The following PHACTR2 variants were observed in gnomAD, a reference collection of about 807,000 sequenced individuals.
The protein encoded by PHACTR2 is phosphatase and actin regulator 2.
Under a neutral mutation model 76.0 loss-of-function variants are expected in PHACTR2, and 30 were observed. The ratio of observed to expected loss-of-function variants is 0.39; its 90% CI spans 0.30 to 0.54. The LOEUF is 0.54. Ranked by LOEUF, PHACTR2 falls within the 20% of genes least tolerant of loss-of-function variation. PHACTR2 has a pLI of 0.61. For missense variants in PHACTR2, 696 were observed against 781.1 expected (o/e 0.89, Z 1.30); for synonymous variants, 292 against 292.5 (o/e 1.00, Z 0.02).
rs1393165037 is a variant in PHACTR2 at position 143,825,475 on chromosome 6, A to G, written c.*1786A>G. The G allele has an allele frequency of 2.0e-5, 3 of 152,196 alleles. No individual in the cohort carries two copies. Among genetic ancestry groups the G allele is most frequent in the Non-Finnish European group, 2.9e-5 (2 of 68,026 alleles). The allele number at this position is 152,196 out of a possible 1,614,324, so 9.4% of individuals were successfully genotyped here. A position where few individuals can be genotyped will look rare whatever the true frequency, so the allele number is the denominator to read the frequency against. ...CTCTGTGCATTAATAAAACACACCTAGAGTCTGTTGTCATTTCACTAATAG... is the reference window on the plus strand; with the variant it reads ...CTCTGTGCATTAATAAAACACACCTGGAGTCTGTTGTCATTTCACTAATAG... On this transcript the variant is annotated 3_prime_UTR_variant, in exon 13 of 13. Transcript: ENST00000440869. The surrounding 1 kb of genome is among the most constrained non-coding windows in gnomAD (Gnocchi z 4.1).
In PHACTR2 at chr6:143,623,926, AC is replaced by A. The variant is rs1454375119; in HGVS notation, c.13+15609del. Among the ~76,000 whole-genome samples, 1 of 152,114 alleles carries A rather than the reference AC, an allele frequency of 6.6e-6. No homozygotes were observed. Among genetic ancestry groups the A allele is most frequent in the African/African-American group, 2.4e-5 (1 of 41,424 alleles). On this transcript the variant is annotated intron_variant, in intron 1 of 11. Transcript: ENST00000305766. This position sits in a 1 kb window ranked among gnomAD's most constrained non-coding sequence, Gnocchi z 5.9. ...ACAATATTCTGGGTACACTCAGAGCACCCCCATAATAAGTTGCTAATGACAT... is the reference window on the plus strand; with the variant it reads ...ACAATATTCTGGGTACACTCAGAGCACCCCATAATAAGTTGCTAATGACAT...
chr6:143,696,360 CA>C lies in PHACTR2; in HGVS notation c.47-15655del, dbSNP rs1777769601. On this transcript the variant is annotated intron_variant, in intron 1 of 12. Transcript: ENST00000440869. This position sits in a 1 kb window ranked among gnomAD's most constrained non-coding sequence, Gnocchi z 4.1. ...GTTTTCCTGGAGACCTCTAGAAGAC[CA>C]GGAAAATATTTTTCCAAGAAATTTT... Among the ~76,000 whole-genome samples, 2 of 152,182 alleles carry C rather than the reference CA, an allele frequency of 1.3e-5. No homozygotes were observed. Among genetic ancestry groups the C allele is most frequent in the South Asian group, 4.1e-4 (2 of 4,822 alleles).
At chr6:143,716,781 A>C (rs1163020313) in intron 2 of PHACTR2, among the ~76,000 whole-genome samples, 3 of 152,216 alleles carry the variant, frequency 2.0e-5, no homozygotes, top group African/African-American at 7.2e-5. Flanking sequence ...CAAGATCCTA[A>C]GCCTGTGGTG....
rs1776648694 is a variant in PHACTR2 at position 143,830,648 on chromosome 6, G to T, written c.*6959G>T. On this transcript the variant is annotated 3_prime_UTR_variant, in exon 13 of 13. Transcript: ENST00000440869. ...GTATTCCCTTTTTTAATTCCGTACT[G>T]GTATTTGTGTTATTTAAAAAGCAAA... 6.6e-6 allele frequency: 1 copy of T among 152,012 alleles called. No individual in the cohort carries two copies. The highest frequency in any genetic ancestry group is 2.4e-5 in the African/African-American group (1 of 41,392). The allele number at this position is 152,012 out of a possible 1,614,324, so 9.4% of individuals were successfully genotyped here. A position where few individuals can be genotyped will look rare whatever the true frequency, so the allele number is the denominator to read the frequency against.
chr6:143,575,883 TA>T (rs1361265508), intron 1 of PHACTR2, among the ~76,000 whole-genome samples: 1 of 92,796 alleles, frequency 1.1e-5, no homozygotes, highest in Admixed American at 9.3e-5. Context: ...GTTTTCAATT[TA>T]GAAAAAAAAA....
In PHACTR2 at chr6:143,774,925, A is replaced by G. The variant is rs956372782; in HGVS notation, c.1589+710A>G. 1.3e-5 allele frequency among the ~76,000 whole-genome samples: 2 copies of G among 152,212 alleles called. No homozygotes were observed. Among genetic ancestry groups the G allele is most frequent in the Non-Finnish European group, 2.9e-5 (2 of 68,046 alleles). ...TAATAGAAGTGAGCATTCATGCCAG[A>G]GGTCTTATTTTTGATGATCAGTTTA... On this transcript the variant is annotated intron_variant, in intron 8 of 12. Coordinates refer to ENST00000440869, the MANE Select transcript of PHACTR2 (RefSeq NM_001100164.2). The surrounding 1 kb of genome is among the most constrained non-coding windows in gnomAD (Gnocchi z 5.4).
At chr6:143,551,603 C>T (rs563738374) in intron 1 of PHACTR2, among the ~76,000 whole-genome samples, 1 of 152,210 alleles carries the variant, frequency 6.6e-6, no homozygotes, top group Non-Finnish European at 1.5e-5. Context: ...GAAGGGAGAC[C>T]TTGGGAACTA....
At chr6:143,691,962 A>T (rs1777653594) in intron 1 of PHACTR2, among the ~76,000 whole-genome samples, 1 of 152,122 alleles carries the variant, frequency 6.6e-6, no homozygotes, top group African/African-American at 2.4e-5. Context: ...CTCTGTTTGT[A>T]CTTCAGGCAT....
chr6:143,675,555 GC>G (rs754330169), upstream of PHACTR2, among the ~76,000 whole-genome samples: 4 of 152,110 alleles, frequency 2.6e-5, no homozygotes, highest in Admixed American at 1.3e-4. This position sits in a 1 kb window ranked among gnomAD's most constrained non-coding sequence, Gnocchi z 4.9. Flanking sequence ...CTCACCCCCA[GC>G]CCAAACCAGT....
At position 143,782,704 on chromosome 6, in the gene PHACTR2, C is replaced by T. The variant is rs1431271898; in HGVS notation, c.1646-515C>T. ...TGCTTACATTCTGCTTCTATGGAAACGAAGGAAGACAAATCAAATATTTTG... is the reference window on the plus strand; with the variant it reads ...TGCTTACATTCTGCTTCTATGGAAATGAAGGAAGACAAATCAAATATTTTG... On this transcript the variant is annotated intron_variant, in intron 9 of 12. Coordinates refer to ENST00000440869, the MANE Select transcript of PHACTR2 (RefSeq NM_001100164.2). This position sits in a 1 kb window ranked among gnomAD's most constrained non-coding sequence, Gnocchi z 4.6. 1.3e-5 allele frequency among the ~76,000 whole-genome samples: 2 copies of T among 152,080 alleles called. No homozygotes were observed. The highest frequency in any genetic ancestry group is 1.5e-5 in the Non-Finnish European group (1 of 68,024).
At chr6:143,703,727 A>AAG (rs1777971022) in intron 1 of PHACTR2, among the ~76,000 whole-genome samples, 1 of 152,140 alleles carries the variant, frequency 6.6e-6, no homozygotes, top group Non-Finnish European at 1.5e-5. Context: ...TTTTAAAGGA[A>AAG]CCATCAGCTG....
rs1357618625 is a variant in PHACTR2 at position 143,608,271 on chromosome 6, G to C, written c.-39G>C. The C allele has an allele frequency of 6.2e-7, 1 of 1,612,956 alleles. No homozygotes were observed. Among genetic ancestry groups the C allele is most frequent in the African/African-American group, 1.3e-5 (1 of 74,906 alleles). On this transcript the variant is annotated 5_prime_UTR_variant, in exon 1 of 12. Transcript: ENST00000305766. The surrounding 1 kb of genome is among the most constrained non-coding windows in gnomAD (Gnocchi z 4.6). ...TAGTCAGAAGAGCCAGGGCTTCCCG[G>C]CTGCCAGGCTACAGAACTCGCCTCG...
intron 6 of PHACTR2, among the ~76,000 whole-genome samples, chr6:143,766,933 C>T (rs1779576608): frequency 6.6e-6 from 1 of 152,098 alleles, no homozygotes; most frequent in African/African-American, 2.4e-5. Context: ...GCTTTTTGCT[C>T]CTGAGTCTAA....
In PHACTR2 at chr6:143,760,729, T is replaced by C. The variant is rs1457991300; in HGVS notation, c.694+89T>C. ...ATTGTTTCTTCTAGGTGTGATGGGC[T>C]TTTGGTGTCTTAGGACATTACACCA... On this transcript the variant is annotated intron_variant, in intron 5 of 12. Coordinates refer to ENST00000440869, the MANE Select transcript of PHACTR2 (RefSeq NM_001100164.2). This position sits in a 1 kb window ranked among gnomAD's most constrained non-coding sequence, Gnocchi z 6.4. The C allele has an allele frequency of 1.0e-5, 15 of 1,443,828 alleles. No individual in the cohort carries two copies. The highest frequency in any genetic ancestry group is 1.4e-5 in the Non-Finnish European group (15 of 1,069,446). 89.4% of individuals were successfully genotyped at this position (1,443,828 alleles called of 1,614,324 possible). A position where few individuals can be genotyped will look rare whatever the true frequency, so the allele number is the denominator to read the frequency against.
chr6:143,568,932 T>A (rs1775402130), intron 1 of PHACTR2, among the ~76,000 whole-genome samples: 1 of 152,242 alleles, frequency 6.6e-6, no homozygotes. Flanking sequence ...CGGATTTGAC[T>A]AATCAGAGCT....
intron 1 of PHACTR2, among the ~76,000 whole-genome samples, chr6:143,681,659 C>T (rs893504409): frequency 1.3e-5 from 2 of 152,160 alleles, no homozygotes; most frequent in Admixed American, 6.5e-5. Flanking sequence ...AGAACTACAG[C>T]CTAACCAAGG....
intron 5 of PHACTR2, among the ~76,000 whole-genome samples, chr6:143,763,405 G>T (rs925092530): frequency 5.7e-4 from 86 of 152,150 alleles, no homozygotes; most frequent in African/African-American, 2.1e-3. Flanking sequence ...TATTAGAATT[G>T]TTATGTGGAA....
intron 1 of PHACTR2, among the ~76,000 whole-genome samples, chr6:143,613,439 G>T: frequency 6.6e-6 from 1 of 152,210 alleles, no homozygotes; most frequent in East Asian, 1.9e-4. Context: ...CTGTGAAAGT[G>T]GGACTAAATT....
intron 1 of PHACTR2, among the ~76,000 whole-genome samples, chr6:143,707,183 A>G (rs1182461234): frequency 2.0e-5 from 3 of 147,198 alleles, no homozygotes; most frequent in Non-Finnish European, 4.5e-5. Flanking sequence ...GCACAAAAAA[A>G]TAACAAAGCC....
Sources: allele counts gnomAD v4.1 joint callset (sites outside exome capture counted in the v4.1 genomes callset), GRCh38; gene constraint gnomAD v4.1.1; non-coding constraint Gnocchi (gnomAD v3.1); transcripts MANE v1.5; gene names NCBI Gene and HGNC (gene_info 2026-07-23, HGNC 2026-07-21).